UBE2H: variants seen among roughly 807,000 people sequenced by gnomAD.
UBE2H encodes the protein ubiquitin-conjugating enzyme E2 H.
UBE2H carries 3 observed loss-of-function variants against 29.0 expected under a neutral mutation model. The ratio of observed to expected loss-of-function variants is 0.10; its 90% CI spans 0.05 to 0.27. The LOEUF is 0.27. UBE2H is among the 10% of genes least tolerant of loss of function. The pLI, the probability that UBE2H is intolerant of heterozygous loss-of-function variation, is 1.00. For synonymous variants in UBE2H, 69 were observed against 82.9 expected, an observed-to-expected ratio of 0.83 and a Z score of 0.91; for missense variants, 68 against 228.2, an observed-to-expected ratio of 0.30 and a Z score of 4.52.
chr7:129,886,360 G>C (rs1324543035), intron 1 of UBE2H, among the ~76,000 whole-genome samples: 1 of 152,124 alleles, frequency 6.6e-6, no homozygotes, highest in Admixed American at 6.5e-5. Flanking sequence ...AATATTTAAA[G>C]GCAAATGCCA....
intron 1 of UBE2H, among the ~76,000 whole-genome samples, chr7:129,907,191 T>G (rs1049843321): frequency 3.3e-5 from 5 of 152,126 alleles, no homozygotes; most frequent in African/African-American, 1.2e-4. Flanking sequence ...TACCCCATCA[T>G]AGTTTACAAC....
intron 3 of UBE2H, among the ~76,000 whole-genome samples, chr7:129,860,918 G>C (rs745560157): frequency 3.9e-5 from 6 of 152,098 alleles, no homozygotes; most frequent in Non-Finnish European, 7.4e-5. Flanking sequence ...AGAGGAAACA[G>C]TGGTTAAAAA....
Position 129,858,902 on chromosome 7 carries a change from G to A in UBE2H, c.245C>T (p.Ala82Val). The A allele has an allele frequency of 6.2e-7, 1 of 1,609,728 alleles. No homozygotes were observed. Among genetic ancestry groups the A allele is most frequent in the Non-Finnish European group, 8.5e-7 (1 of 1,177,376 alleles). Reference sequence around the variant, plus strand: ...GAAACATTTTAAAATAGTTACTTACGCTTCATCAATGTTGGGATGGAAAAT... The same window carrying A: ...GAAACATTTTAAAATAGTTACTTACACTTCATCAATGTTGGGATGGAAAAT... ...NKIFHPNIDEASGTVCLDVIN... is the reference protein window; with the variant it reads ...NKIFHPNIDEVSGTVCLDVIN... Residue 82 changes from alanine (A) to valine (V), a missense_variant and splice_region_variant, in exon 4 of 7, where the codon GCG becomes GTG. Ala to Val is a moderately conservative substitution (Grantham distance 64). Transcript: ENST00000355621.
intron 1 of UBE2H, among the ~76,000 whole-genome samples, chr7:129,948,061 T>C (rs1807800253): frequency 6.6e-6 from 1 of 152,206 alleles, no homozygotes; most frequent in South Asian, 2.1e-4. Context: ...GGTTTTGCCA[T>C]GTTGGCCAGG....
intron 1 of UBE2H, among the ~76,000 whole-genome samples, chr7:129,906,493 C>T (rs917650192): frequency 9.2e-5 from 14 of 152,070 alleles, no homozygotes; most frequent in African/African-American, 2.9e-4. Flanking sequence ...TTGTGAGTCA[C>T]GCGCCCAGCC....
intron 1 of UBE2H, among the ~76,000 whole-genome samples, chr7:129,918,306 AAGAGAT>A (rs367811774): frequency 6.6e-6 from 1 of 152,290 alleles, no homozygotes; most frequent in Non-Finnish European, 1.5e-5. Context: ...TAGCAAGAGT[AAGAGAT>A]AAAGACTGAA....
chr7:129,876,701 C>T (rs374058663), intron 3 of UBE2H, among the ~76,000 whole-genome samples: 15 of 152,164 alleles, frequency 9.9e-5, no homozygotes, highest in East Asian at 9.6e-4. Flanking sequence ...GATACTGAAA[C>T]AGAAGTAAAA....
At chr7:129,896,345 A>C (rs1160578357) in intron 1 of UBE2H, among the ~76,000 whole-genome samples, 2 of 152,146 alleles carry the variant, frequency 1.3e-5, no homozygotes, top group East Asian at 1.9e-4. Flanking sequence ...TCAAAAAAAA[A>C]ACAAAATCTT....
chr7:129,904,116 C>G (rs1806770039), intron 1 of UBE2H, among the ~76,000 whole-genome samples: 1 of 152,202 alleles, frequency 6.6e-6, no homozygotes, highest in African/African-American at 2.4e-5. Context: ...TCTCAGTCTG[C>G]CACATTCTTC....
chr7:129,840,156 A>G (rs1805402365), intron 5 of UBE2H, among the ~76,000 whole-genome samples: 1 of 152,218 alleles, frequency 6.6e-6, no homozygotes, highest in South Asian at 2.1e-4. Context: ...CATAAGACAG[A>G]TAAGCACCAA....
At chr7:129,861,700 T>C (rs1164114291) in intron 3 of UBE2H, among the ~76,000 whole-genome samples, 1 of 152,200 alleles carries the variant, frequency 6.6e-6, no homozygotes, top group Non-Finnish European at 1.5e-5. Flanking sequence ...GAGACCAGCC[T>C]GGCCAACATG....
intron 1 of UBE2H, among the ~76,000 whole-genome samples, chr7:129,928,818 A>T (rs1584792126): frequency 6.6e-6 from 1 of 152,278 alleles, no homozygotes; most frequent in Non-Finnish European, 1.5e-5. Flanking sequence ...AGAGGAGAAA[A>T]TCAACAATAT....
In UBE2H at chr7:129,837,075, CAT is replaced by C. The variant is rs1227877060; in HGVS notation, c.428-2016_428-2015del. Among the ~76,000 whole-genome samples the C allele has an allele frequency of 2.0e-5, 3 of 152,182 alleles. No homozygotes were observed. In the East Asian group the frequency reaches 5.8e-4, roughly 29 times the overall value. On this transcript the variant is annotated intron_variant, in intron 6 of 6. Coordinates refer to ENST00000355621, the MANE Select transcript of UBE2H (RefSeq NM_003344.4). ...TCCAATATTTAAACACTTTTTCAAA[CAT>C]GTACTATAATACAGCGCCAACTAAA... is the stretch of plus-strand genomic sequence containing the variant.
At chr7:129,929,565 G>C (rs1486119758) in intron 1 of UBE2H, among the ~76,000 whole-genome samples, 1 of 151,966 alleles carries the variant, frequency 6.6e-6, no homozygotes, top group Non-Finnish European at 1.5e-5. Context: ...GGAAAAAAAG[G>C]TCTCAGAATC....
At chr7:129,886,972 T>C (rs531915660) in intron 1 of UBE2H, among the ~76,000 whole-genome samples, 2 of 151,968 alleles carry the variant, frequency 1.3e-5, no homozygotes, top group South Asian at 4.2e-4. Context: ...GAAGAAACAG[T>C]AGAGGGCCAG....
chr7:129,949,449 G>T (rs1358705132), intron 1 of UBE2H, among the ~76,000 whole-genome samples: 1 of 152,162 alleles, frequency 6.6e-6, no homozygotes, highest in Non-Finnish European at 1.5e-5. Context: ...ATTCCTAAAG[G>T]ATCCAAAAGT....
chr7:129,909,952 G>T (rs760641766), intron 1 of UBE2H, among the ~76,000 whole-genome samples: 1 of 152,072 alleles, frequency 6.6e-6, no homozygotes. Flanking sequence ...CAGAAGACAC[G>T]AAAAGGGTTG....
intron 3 of UBE2H, among the ~76,000 whole-genome samples, chr7:129,871,358 TA>T (rs1382715759): frequency 6.6e-6 from 1 of 152,198 alleles, no homozygotes; most frequent in Admixed American, 6.5e-5. Flanking sequence ...TATCTCTATT[TA>T]TTTTTTTACA....
intron 1 of UBE2H, among the ~76,000 whole-genome samples, chr7:129,896,784 A>G (rs1173798104): frequency 3.3e-5 from 5 of 152,196 alleles, no homozygotes; most frequent in Non-Finnish European, 7.4e-5. Flanking sequence ...TGAAGATAGC[A>G]TTTAGCTAAG....
Sources: allele counts gnomAD v4.1 joint callset (sites outside exome capture counted in the v4.1 genomes callset), GRCh38; gene constraint gnomAD v4.1.1; transcripts MANE v1.5; gene names NCBI Gene and HGNC (gene_info 2026-07-23, HGNC 2026-07-21).